GALNT18: variants seen among roughly 807,000 people sequenced by gnomAD.
GALNT18 encodes the protein polypeptide N-acetylgalactosaminyltransferase 18.
Under a neutral mutation model 69.5 loss-of-function variants are expected in GALNT18, and 44 were observed. The observed-to-expected ratio is 0.63, with a 90% confidence interval of 0.50 to 0.81. The LOEUF (loss-of-function observed/expected upper bound fraction) is 0.81, where lower values mean the gene tolerates loss of function less well. Among genes scored for constraint, GALNT18 ranks in the 40% least tolerant of loss-of-function variants. The pLI is 0.00. For missense variants in GALNT18, 715 were observed against 810.0 expected (o/e 0.88, Z 1.42); for synonymous variants, 364 against 318.2 (o/e 1.14, Z -1.53).
At chr11:11,486,776 A>C (rs1299104796) in intron 1 of GALNT18, among the ~76,000 whole-genome samples, 1 of 152,224 alleles carries the variant, frequency 6.6e-6, no homozygotes, top group East Asian at 1.9e-4. Flanking sequence ...GAAAAAGACC[A>C]GTCCCGGGAT....
intron 1 of GALNT18, among the ~76,000 whole-genome samples, chr11:11,519,186 G>T (rs1424837308): frequency 6.6e-6 from 1 of 152,192 alleles, no homozygotes; most frequent in Non-Finnish European, 1.5e-5. Context: ...CAGCCCAGAG[G>T]GGTGTGGATC....
rs907002553 is a variant in GALNT18, at chr11:11,396,943, C to A, written c.596-17679G>T. On this transcript the variant is annotated intron_variant, in intron 3 of 10. Coordinates refer to ENST00000227756, the MANE Select transcript of GALNT18 (RefSeq NM_198516.3). This position sits in a 1 kb window ranked among gnomAD's most constrained non-coding sequence, Gnocchi z 5.2. The stretch of plus-strand genomic sequence containing the variant: ...GGCTGGAGAGAATGATGCCATAGTT[C>A]TCTCCCCTGTGCATCTTGGGGGTCT... Among the ~76,000 whole-genome samples the A allele has an allele frequency of 1.3e-5, 2 of 152,226 alleles. No individual in the cohort carries two copies. Among genetic ancestry groups the A allele is most frequent in the South Asian group, 2.1e-4 (1 of 4,816 alleles).
At chr11:11,548,284 T>C (rs1294664310) in intron 1 of GALNT18, among the ~76,000 whole-genome samples, 2 of 152,216 alleles carry the variant, frequency 1.3e-5, no homozygotes. Context: ...ATCTTGTCCT[T>C]GCCTTCAGTT....
chr11:11,568,989 T>C (rs796766429), intron 1 of GALNT18, among the ~76,000 whole-genome samples: 14 of 152,330 alleles, frequency 9.2e-5, no homozygotes, highest in African/African-American at 2.9e-4. Flanking sequence ...TCAAAATCAC[T>C]GATCAGGTGA....
chr11:11,559,091 G>A (rs1858400188), intron 1 of GALNT18, among the ~76,000 whole-genome samples: 1 of 152,186 alleles, frequency 6.6e-6, no homozygotes, highest in Non-Finnish European at 1.5e-5. Flanking sequence ...CTGTTAAGAG[G>A]GAAGTAGATT....
intron 1 of GALNT18, among the ~76,000 whole-genome samples, chr11:11,597,320 G>T (rs1173600685): frequency 6.6e-6 from 1 of 152,212 alleles, no homozygotes; most frequent in Non-Finnish European, 1.5e-5. Context: ...GAGTTGACAA[G>T]TGTTCCTTTT....
In GALNT18 at chr11:11,341,501, C is replaced by T. The variant is rs1850206569; in HGVS notation, c.1093-497G>A. ...AAGGGTGTCACCAGACACCCTTCTT[C>T]TAGTGCATCTTTCCGAGGCTCTGGG... On this transcript the variant is annotated intron_variant, in intron 6 of 10. Transcript: ENST00000227756. This position sits in a 1 kb window ranked among gnomAD's most constrained non-coding sequence, Gnocchi z 6.3. 2.0e-5 allele frequency among the ~76,000 whole-genome samples: 3 copies of T among 152,174 alleles called. No individual in the cohort carries two copies. The highest frequency in any genetic ancestry group is 4.4e-5 in the Non-Finnish European group (3 of 68,038).
chr11:11,467,575 G>T (rs1466498401), intron 1 of GALNT18, among the ~76,000 whole-genome samples: 1 of 152,196 alleles, frequency 6.6e-6, no homozygotes, highest in African/African-American at 2.4e-5. Flanking sequence ...ATCAGCCCAG[G>T]AGACACGCCC....
intron 10 of GALNT18, among the ~76,000 whole-genome samples, chr11:11,280,704 G>T (rs1481647462): frequency 6.6e-6 from 1 of 152,146 alleles, no homozygotes; most frequent in Non-Finnish European, 1.5e-5. Context: ...TGCCCCTCAG[G>T]ACTGACCACA....
At chr11:11,482,555 A>G (rs1345948488) in intron 1 of GALNT18, among the ~76,000 whole-genome samples, 4 of 152,224 alleles carry the variant, frequency 2.6e-5, no homozygotes, top group Non-Finnish European at 5.9e-5. Context: ...CTTTATGGTT[A>G]CACAGAAGCC....
intron 2 of GALNT18, among the ~76,000 whole-genome samples, chr11:11,445,660 G>A (rs550512642): frequency 6.6e-6 from 1 of 152,318 alleles, no homozygotes; most frequent in Non-Finnish European, 1.5e-5. Context: ...CCAAGTACAT[G>A]TGCAAAGAGA....
rs758695657 is a variant in GALNT18, at chr11:11,621,393, G to T, written c.201C>A (p.Asp67Glu). Residue 67 changes from aspartate (D) to glutamate (E), a missense_variant, in exon 1 of 11, where the codon GAC becomes GAA. By Grantham distance (45) the Asp-to-Glu change is conservative (BLOSUM62 2). Transcript: ENST00000227756. The surrounding 1 kb of genome is among the most constrained non-coding windows in gnomAD (Gnocchi z 9.3). ...GCTGCTTGATGACATTCTCCAGGTGGTCCAGCCGCTCAATAATCTTCAGAG... is the reference window on the plus strand; with the variant it reads ...GCTGCTTGATGACATTCTCCAGGTGTTCCAGCCGCTCAATAATCTTCAGAG... ...GDTLKIIERLDHLENVIKQHI... is the reference protein window; with the variant it reads ...GDTLKIIERLEHLENVIKQHI... 1 of 1,614,080 alleles carries T rather than the reference G, an allele frequency of 6.2e-7. No homozygotes were observed. The highest frequency in any genetic ancestry group is 8.5e-7 in the Non-Finnish European group (1 of 1,180,016).
At chr11:11,528,402 T>C (rs1453430292) in intron 1 of GALNT18, among the ~76,000 whole-genome samples, 3 of 152,074 alleles carry the variant, frequency 2.0e-5, no homozygotes, top group South Asian at 2.1e-4. Context: ...AGGAGAGAAG[T>C]GGGCAGGTGT....
chr11:11,378,508 CT>C (rs1211564556), intron 4 of GALNT18, among the ~76,000 whole-genome samples: 2 of 152,218 alleles, frequency 1.3e-5, no homozygotes, highest in Non-Finnish European at 2.9e-5. Context: ...TGTCTGGTCC[CT>C]TTCCCCCCAG....
chr11:11,384,590 C>G (rs1316782692), intron 3 of GALNT18, among the ~76,000 whole-genome samples: 1 of 152,152 alleles, frequency 6.6e-6, no homozygotes, highest in Non-Finnish European at 1.5e-5. Context: ...GGGAAATACT[C>G]AAACCACAGC....
rs532680464 is a variant in GALNT18, at chr11:11,451,012, T to C, written c.236-2076A>G. Among the ~76,000 whole-genome samples, 57 of 152,298 alleles carry C rather than the reference T, an allele frequency of 3.7e-4. 1 individual carries two copies. The highest frequency in any genetic ancestry group is 1.3e-3 in the African/African-American group (55 of 41,552). ...AAACATGGCATACCATCTCGGTGAC[T>C]GATTTTCCTTAAAGACATAAAAGCA... On this transcript the variant is annotated intron_variant, in intron 1 of 10. Transcript: ENST00000227756.
At chr11:11,599,358 T>G (rs1859579147) in intron 1 of GALNT18, among the ~76,000 whole-genome samples, 1 of 151,900 alleles carries the variant, frequency 6.6e-6, no homozygotes. Flanking sequence ...TTGCTCTTTA[T>G]CTCTAGTAAC....
chr11:11,287,574 C>T (rs536918334), intron 10 of GALNT18, among the ~76,000 whole-genome samples: 1 of 152,238 alleles, frequency 6.6e-6, no homozygotes, highest in African/African-American at 2.4e-5. Context: ...TCACTGAATC[C>T]CAGAATCCCC....
chr11:11,277,146 T>G (rs183583473), intron 10 of GALNT18, among the ~76,000 whole-genome samples: 1 of 152,152 alleles, frequency 6.6e-6, no homozygotes, highest in African/African-American at 2.4e-5. Context: ...GGTCCTGGAC[T>G]TTTTTTGGTG....
Sources: allele counts gnomAD v4.1 joint callset (sites outside exome capture counted in the v4.1 genomes callset), GRCh38; gene constraint gnomAD v4.1.1; non-coding constraint Gnocchi (gnomAD v3.1); transcripts MANE v1.5; gene names NCBI Gene and HGNC (gene_info 2026-07-23, HGNC 2026-07-21).